Variants in VAV2 observed in about 807,000 individuals in gnomAD.
The protein encoded by VAV2 is guanine nucleotide exchange factor VAV2.
VAV2 carries 67 observed loss-of-function variants against 132.5 expected under a neutral mutation model. That is an observed-to-expected ratio of 0.51 (90% CI 0.42 to 0.62). VAV2 has a LOEUF of 0.62. VAV2 is among the 20% of genes least tolerant of loss of function. The pLI is 0.00. For missense variants in VAV2, 938 were observed against 1,153.6 expected (o/e 0.81, Z 2.71); for synonymous variants, 492 against 443.5 (o/e 1.11, Z -1.37).
intron 1 of VAV2, among the ~76,000 whole-genome samples, chr9:133,959,945 G>T (rs1205750267): frequency 6.6e-6 from 1 of 152,214 alleles, no homozygotes; most frequent in Non-Finnish European, 1.5e-5. Flanking sequence ...GGAACTGGAG[G>T]AGAATGCACG....
chr9:133,966,012 C>T (rs1842129652), intron 1 of VAV2, among the ~76,000 whole-genome samples: 1 of 152,152 alleles, frequency 6.6e-6, no homozygotes, highest in Non-Finnish European at 1.5e-5. Flanking sequence ...TCAACAAAGG[C>T]ACCAAGAACA....
intron 1 of VAV2, among the ~76,000 whole-genome samples, chr9:133,985,605 C>A (rs1842836324): frequency 6.6e-6 from 1 of 152,164 alleles, no homozygotes; most frequent in African/African-American, 2.4e-5. Flanking sequence ...CTAAATACCC[C>A]TCTCCACTAC....
chr9:133,785,264 T>C (rs1834172571), intron 17 of VAV2, among the ~76,000 whole-genome samples: 1 of 152,216 alleles, frequency 6.6e-6, no homozygotes, highest in African/African-American at 2.4e-5. Context: ...ACAACCCTGC[T>C]GGCCCTCCAG....
chr9:133,922,157 T>C (rs1057195184), intron 2 of VAV2, among the ~76,000 whole-genome samples: 4 of 152,252 alleles, frequency 2.6e-5, no homozygotes, highest in African/African-American at 9.6e-5. Context: ...CAGCCCAGTC[T>C]TGGGAGGTGG....
chr9:133,813,845 C>G (rs118004445), intron 4 of VAV2, among the ~76,000 whole-genome samples: 1,941 of 152,360 alleles, frequency 0.013, 30 homozygotes, highest in East Asian at 0.056. Context: ...GCAAGCCCCT[C>G]TGTGTGCCAG....
intron 4 of VAV2, among the ~76,000 whole-genome samples, chr9:133,827,233 T>TGAGGCTGACCACTGAGTG: frequency 1.3e-5 from 1 of 77,526 alleles, no homozygotes; most frequent in South Asian, 4.5e-4. Context: ...CTGTGCCCAC[T>TGAGGCTGACCACTGAGTG]GGGGCTGACC....
At position 133,879,644 on chromosome 9, in the gene VAV2, A is replaced by C. The variant is rs1838406751; in HGVS notation, c.322-18212T>G. 6.6e-6 allele frequency among the ~76,000 whole-genome samples: 1 copy of C among 152,066 alleles called. No individual in the cohort carries two copies. Among genetic ancestry groups the C allele is most frequent in the Non-Finnish European group, 1.5e-5 (1 of 68,034 alleles). On this transcript the variant is annotated intron_variant, in intron 2 of 29. Transcript: ENST00000371850. This position sits in a 1 kb window ranked among gnomAD's most constrained non-coding sequence, Gnocchi z 4.4. ...AATGCAAATCTAAGCAACAAGCCGC[A>C]CACACCAGGACGAACAGCACTGCTG...
intron 21 of VAV2, 146 bp downstream of exon 21, chr9:133,779,772 G>A (rs1833940663): frequency 2.7e-6 from 3 of 1,094,600 alleles, no homozygotes; most frequent in Non-Finnish European, 3.8e-6. Flanking sequence ...GAGGCAAGAG[G>A]GAGGGGGCCC....
intron 2 of VAV2, among the ~76,000 whole-genome samples, chr9:133,895,677 G>T (rs1294582159): frequency 6.6e-6 from 1 of 152,134 alleles, no homozygotes; most frequent in Non-Finnish European, 1.5e-5. Context: ...CTAATGGGTT[G>T]GGGTTTCTTT....
intron 2 of VAV2, among the ~76,000 whole-genome samples, chr9:133,864,936 A>C (rs933880137): frequency 1.5e-4 from 23 of 152,190 alleles, no homozygotes; most frequent in African/African-American, 5.5e-4. Flanking sequence ...TGAATGATTT[A>C]TCTCCAATGT....
At chr9:133,827,246 T>G (rs1251229493) in intron 4 of VAV2, among the ~76,000 whole-genome samples, 20 of 19,052 alleles carry the variant, frequency 1.0e-3, no homozygotes, top group East Asian at 8.9e-3. Context: ...GGCTGACCAC[T>G]GAGCGGGGGC....
intron 4 of VAV2, among the ~76,000 whole-genome samples, chr9:133,829,606 T>A (rs1424952817): frequency 1.3e-5 from 2 of 152,188 alleles, no homozygotes; most frequent in East Asian, 3.9e-4. Context: ...ACCCAGATAA[T>A]ATTTTGAATA....
chr9:133,843,432 C>T (rs1836805089), intron 3 of VAV2, among the ~76,000 whole-genome samples: 1 of 152,148 alleles, frequency 6.6e-6, no homozygotes, highest in South Asian at 2.1e-4. Context: ...GTCTCAAACT[C>T]TTGGCCTCAC....
chr9:133,895,983 G>A (rs1839186419), intron 2 of VAV2, among the ~76,000 whole-genome samples: 1 of 82,596 alleles, frequency 1.2e-5, no homozygotes, highest in South Asian at 4.4e-4. Context: ...TCGCAGAGGG[G>A]GATTTGGCAG....
intron 1 of VAV2, among the ~76,000 whole-genome samples, chr9:133,959,715 G>C (rs2789860): frequency 0.65 from 98,505 of 151,774 alleles, 32,116 homozygotes; most frequent in East Asian, 0.78. Flanking sequence ...GCCATCCCAG[G>C]TTAGGGTGGG....
At chr9:133,970,994 C>T (rs1277256804) in intron 1 of VAV2, among the ~76,000 whole-genome samples, 1 of 152,202 alleles carries the variant, frequency 6.6e-6, no homozygotes, top group Non-Finnish European at 1.5e-5. Flanking sequence ...AAAATTCTAT[C>T]TTTTCCTTTT....
intron 4 of VAV2, among the ~76,000 whole-genome samples, chr9:133,815,011 C>T (rs746184895): frequency 2.0e-5 from 3 of 152,164 alleles, no homozygotes; most frequent in Non-Finnish European, 4.4e-5. Flanking sequence ...ATACAGGATA[C>T]GATCCACTGA....
At chr9:133,988,312 G>T (rs1262773140) in intron 1 of VAV2, among the ~76,000 whole-genome samples, 2 of 152,164 alleles carry the variant, frequency 1.3e-5, no homozygotes, top group Non-Finnish European at 2.9e-5. Flanking sequence ...ACATCCCTCA[G>T]AAAGTCCACA....
intron 4 of VAV2, among the ~76,000 whole-genome samples, chr9:133,815,166 G>C (rs1240987465): frequency 6.6e-6 from 1 of 151,974 alleles, no homozygotes; most frequent in Non-Finnish European, 1.5e-5. Context: ...CTAGAAAAGG[G>C]GTGTGGAAGG....
Sources: gnomAD v4.1 joint callset for allele counts (sites outside exome capture counted in the v4.1 genomes callset) on GRCh38, gnomAD v4.1.1 for gene constraint, Gnocchi (gnomAD v3.1) non-coding constraint, MANE v1.5 for transcripts, NCBI Gene and HGNC (gene_info 2026-07-23, HGNC 2026-07-21) for gene names.